The following SMARCD3 variants were observed in gnomAD, a reference collection of about 807,000 sequenced individuals.
SMARCD3 encodes SWI/SNF related BAF chromatin remodeling complex subunit D3.
In SMARCD3, 14 loss-of-function variants were observed where a neutral mutation model predicts 58.0. The ratio of observed to expected loss-of-function variants is 0.24; its 90% CI spans 0.16 to 0.38. SMARCD3 has a LOEUF of 0.38. Ranked by LOEUF, SMARCD3 falls within the 10% of genes least tolerant of loss-of-function variation. The pLI is 1.00. For missense variants in SMARCD3, 408 were observed against 636.9 expected, an observed-to-expected ratio of 0.64 and a Z score of 3.87; for synonymous variants, 253 against 253.8, an observed-to-expected ratio of 1.00 and a Z score of 0.03.
At chr7:151,271,239 G>A (rs1250370485) in intron 2 of SMARCD3, among the ~76,000 whole-genome samples, 1 of 152,208 alleles carries the variant, frequency 6.6e-6, no homozygotes, top group South Asian at 2.1e-4. Flanking sequence ...TGAAGGTGCT[G>A]AAGGCAAGGC....
At chr7:151,257,189 C>A (rs1471516050) in intron 2 of SMARCD3, among the ~76,000 whole-genome samples, 1 of 152,192 alleles carries the variant, frequency 6.6e-6, no homozygotes, top group African/African-American at 2.4e-5. Flanking sequence ...CTGCACCCGG[C>A]CTCCTGAAAC....
Position 151,243,831 on chromosome 7 carries a change from C to G in SMARCD3, c.291-130G>C. On this transcript the variant is annotated intron_variant, in intron 2 of 12. Transcript: ENST00000262188. The surrounding 1 kb of genome is among the most constrained non-coding windows in gnomAD (Gnocchi z 4.4). ...TTCCCACAGCCCACTTGTCTGCCCG[C>G]CCAAGGGCTGTGACGGTGGTGTGTG... is the stretch of plus-strand genomic sequence containing the variant. 1 of 760,804 alleles carries G rather than the reference C, an allele frequency of 1.3e-6. No homozygotes were observed. Among genetic ancestry groups the G allele is most frequent in the East Asian group, 2.4e-5 (1 of 41,146 alleles). 47.1% of individuals were successfully genotyped at this position (760,804 alleles called of 1,614,324 possible).
At chr7:151,254,003 G>T (rs1435288049) in intron 2 of SMARCD3, among the ~76,000 whole-genome samples, 1 of 152,204 alleles carries the variant, frequency 6.6e-6, no homozygotes, top group Non-Finnish European at 1.5e-5. Context: ...TGGCTTAGAT[G>T]TGGCTGAAAC....
chr7:151,258,823 C>G (rs1803796496), intron 2 of SMARCD3, among the ~76,000 whole-genome samples: 1 of 152,088 alleles, frequency 6.6e-6, no homozygotes, highest in Admixed American at 6.6e-5. Context: ...GCCCAGGATG[C>G]TCTTCCTCTG....
In SMARCD3 at chr7:151,238,922, T is replaced by TTCCCGTTCTCTCCCCC; in HGVS notation, c.*180_*181insGGGGGAGAGAACGGGA. The TTCCCGTTCTCTCCCCC allele has an allele frequency of 9.7e-7, 1 of 1,035,090 alleles. No homozygotes were observed. Among genetic ancestry groups the TTCCCGTTCTCTCCCCC allele is most frequent in the South Asian group, 1.5e-5 (1 of 67,810 alleles). The allele number at this position is 1,035,090 out of a possible 1,614,324, so 64.1% of individuals were successfully genotyped here. A position where few individuals can be genotyped will look rare whatever the true frequency, so the allele number is the denominator to read the frequency against. On this transcript the variant is annotated 3_prime_UTR_variant, in exon 13 of 13. Coordinates refer to ENST00000262188, the MANE Select transcript of SMARCD3 (RefSeq NM_001003801.2). ...CCCACTGCCTCCCCACCTTCTTCCCTTCCCCTTCTCTCCCCCTCCCCTCCC... is the reference window on the plus strand; with the variant it reads ...CCCACTGCCTCCCCACCTTCTTCCCTTCCCGTTCTCTCCCCCTCCCCTTCTCTCCCCCTCCCCTCCC...
At chr7:151,261,462 CCTGT>C (rs1190404367) in intron 2 of SMARCD3, among the ~76,000 whole-genome samples, 2 of 152,198 alleles carry the variant, frequency 1.3e-5, no homozygotes, top group African/African-American at 2.4e-5. Context: ...TGTTACCTGA[CCTGT>C]CTGAGCCTCA....
chr7:151,242,637 T>C lies in SMARCD3; in HGVS notation c.457-34A>G, dbSNP rs1251854771. On this transcript the variant is annotated intron_variant, in intron 4 of 12. Coordinates refer to ENST00000262188, the MANE Select transcript of SMARCD3 (RefSeq NM_001003801.2). The surrounding 1 kb of genome is among the most constrained non-coding windows in gnomAD (Gnocchi z 4.7). The stretch of plus-strand genomic sequence containing the variant: ...ATAGAGTGCAGAACCGGGCGAATGC[T>C]GTGTGCTCCCACCCCGACCACCCTG... The C allele has an allele frequency of 6.2e-7, 1 of 1,611,958 alleles. No individual in the cohort carries two copies. Among genetic ancestry groups the C allele is most frequent in the East Asian group, 2.2e-5 (1 of 44,818 alleles).
At chr7:151,273,731 G>A (rs1795249072) in intron 2 of SMARCD3, among the ~76,000 whole-genome samples, 1 of 152,166 alleles carries the variant, frequency 6.6e-6, no homozygotes. Context: ...TGGGCATGCC[G>A]CCACCAGGTG....
Position 151,241,180 on chromosome 7 carries a change from G to A in SMARCD3, c.939+312C>T. The A allele has an allele frequency of 2.4e-6, 1 of 411,704 alleles. No individual in the cohort carries two copies. The highest frequency in any genetic ancestry group is 2.1e-5 in the South Asian group (1 of 46,792). The allele number at this position is 411,704 out of a possible 1,614,324, so 25.5% of individuals were successfully genotyped here. On this transcript the variant is annotated intron_variant, in intron 8 of 12. Coordinates refer to ENST00000262188, the MANE Select transcript of SMARCD3 (RefSeq NM_001003801.2). This position sits in a 1 kb window ranked among gnomAD's most constrained non-coding sequence, Gnocchi z 5.3. ...GTCACTTACCCAGAGTCCAGACTCA[G>A]GACTAGAACCTGGGGATCCTAACTC...
Position 151,239,683 on chromosome 7 carries a change from A to T in SMARCD3, c.1237T>A (p.Ser413Thr). The T allele has an allele frequency of 6.2e-7, 1 of 1,614,004 alleles. No individual in the cohort carries two copies. Among genetic ancestry groups the T allele is most frequent in the Non-Finnish European group, 8.5e-7 (1 of 1,179,966 alleles). ...TGGACATAGCCTTTGGGGTCTCTGG[A>T]GAAGCTTAGCATGAAGTCCCTCTGG... ...KIQRDFMLSF[S>T]RDPKGYVQDL... is the part of the protein sequence containing the mutation. The change falls in exon 11 of 13, where the codon TCC becomes ACC. Residue 413 changes from serine to threonine, a missense_variant. Ser to Thr is a moderately conservative substitution (Grantham distance 58, BLOSUM62 1). Around this residue, in one of 4 missense-constraint regions of SMARCD3, gnomAD observed 81 missense variants for 109.7 expected, o/e 0.74. Coordinates refer to ENST00000262188, the MANE Select transcript of SMARCD3 (RefSeq NM_001003801.2). This position sits in a 1 kb window ranked among gnomAD's most constrained non-coding sequence, Gnocchi z 7.0.
At chr7:151,256,233 C>T (rs1176903512) in intron 2 of SMARCD3, among the ~76,000 whole-genome samples, 2 of 150,092 alleles carry the variant, frequency 1.3e-5, no homozygotes, top group Admixed American at 6.7e-5. Context: ...CCAGGTGGCG[C>T]GATCTCAGCT....
intron 2 of SMARCD3, among the ~76,000 whole-genome samples, chr7:151,261,596 C>T (rs938924058): frequency 5.3e-5 from 8 of 152,198 alleles, no homozygotes; most frequent in Admixed American, 6.5e-5. Flanking sequence ...CAACACTTAA[C>T]GAGCAGCAGC....
At chr7:151,270,248 C>G (rs577612579) in intron 2 of SMARCD3, among the ~76,000 whole-genome samples, 4 of 152,104 alleles carry the variant, frequency 2.6e-5, no homozygotes, top group Non-Finnish European at 4.4e-5. Flanking sequence ...GAGGGAGACG[C>G]GGGGCACAGG....
At chr7:151,244,191 A>G (rs998702688) in intron 2 of SMARCD3, among the ~76,000 whole-genome samples, 2 of 152,032 alleles carry the variant, frequency 1.3e-5, no homozygotes, top group African/African-American at 2.4e-5. Flanking sequence ...AGCTGGCGGG[A>G]CTTGCACCCC....
rs953942638 is a variant in SMARCD3, at chr7:151,246,881, G to A, written c.79-1210C>T. Among the ~76,000 whole-genome samples the A allele has an allele frequency of 1.3e-5, 2 of 152,066 alleles. No homozygotes were observed. The highest frequency in any genetic ancestry group is 2.9e-5 in the Non-Finnish European group (2 of 68,002). On this transcript the variant is annotated intron_variant, in intron 1 of 12. Transcript: ENST00000262188. This position sits in a 1 kb window ranked among gnomAD's most constrained non-coding sequence, Gnocchi z 4.4. ...AGCAGGAAGAAGATCAGAGGGCAGG[G>A]GATGCAGACCCTGGCACTGTTAACA...
rs1272210376 is a variant in SMARCD3, at chr7:151,248,673, C to T, written c.-111G>A. 53 of 1,503,738 alleles carry T rather than the reference C, an allele frequency of 3.5e-5. No homozygotes were observed. Among genetic ancestry groups the T allele is most frequent in the Non-Finnish European group, 4.6e-5 (51 of 1,119,882 alleles). The allele number at this position is 1,503,738 out of a possible 1,614,324, so 93.1% of individuals were successfully genotyped here. A position where few individuals can be genotyped will look rare whatever the true frequency, so the allele number is the denominator to read the frequency against. ...CCCTCTGAGTCCTGCTGGGCTCTCT[C>T]ACACTTCTACTCGAGCGGAGTGGGG... On this transcript the variant is annotated 5_prime_UTR_variant, in exon 1 of 13. Coordinates refer to ENST00000262188, the MANE Select transcript of SMARCD3 (RefSeq NM_001003801.2). The surrounding 1 kb of genome is among the most constrained non-coding windows in gnomAD (Gnocchi z 6.1).
At position 151,240,305 on chromosome 7, in the gene SMARCD3, C is replaced by T. The variant is rs530277547; in HGVS notation, c.1038-58G>A. On this transcript the variant is annotated intron_variant, in intron 9 of 12. Coordinates refer to ENST00000262188, the MANE Select transcript of SMARCD3 (RefSeq NM_001003801.2). ...ATGCCCCCATACGGCCCCAGGGCCC[C>T]GGGGCTGGGGCAGATCCAACAGGGA... 173 of 1,611,444 alleles carry T rather than the reference C, an allele frequency of 1.1e-4. 1 individual carries two copies. The African/African-American group carries it at 1.2e-3, about 11-fold the overall frequency.
intron 2 of SMARCD3, among the ~76,000 whole-genome samples, chr7:151,274,044 G>A (rs1216260647): frequency 2.0e-5 from 3 of 152,282 alleles, no homozygotes; most frequent in South Asian, 2.1e-4. Context: ...GGCTCCTCTG[G>A]GCCATTTCCA....
At chr7:151,256,157 C>T (rs994835840) in intron 2 of SMARCD3, among the ~76,000 whole-genome samples, 3 of 151,514 alleles carry the variant, frequency 2.0e-5, no homozygotes, top group Admixed American at 6.6e-5. Flanking sequence ...GCTGGGATTA[C>T]AGGCATGAGC....
Sources: gnomAD v4.1 joint callset for allele counts (sites outside exome capture counted in the v4.1 genomes callset) on GRCh38, gnomAD v4.1.1 for gene constraint, gnomAD v4.1.1 regional missense constraint, Gnocchi (gnomAD v3.1) non-coding constraint, MANE v1.5 for transcripts, NCBI Gene and HGNC (gene_info 2026-07-23, HGNC 2026-07-21) for gene names.